The following PBX1 variants were observed in gnomAD, a reference collection of about 807,000 sequenced individuals.
The protein encoded by PBX1 is pre-B-cell leukemia transcription factor 1.
In PBX1, 6 loss-of-function variants were observed where a neutral mutation model predicts 53.4. The observed-to-expected ratio is 0.11, with a 90% CI of 0.06 to 0.22. The LOEUF is 0.22. Among genes scored for constraint, PBX1 ranks in the 10% least tolerant of loss-of-function variants. The probability of loss-of-function intolerance (pLI) is 1.00; values close to 1 mark genes in which losing one functional copy is unlikely to be tolerated. For missense variants in PBX1, 251 were observed against 551.4 expected (o/e 0.46, Z 5.46); for synonymous variants, 204 against 212.3 (o/e 0.96, Z 0.34).
At chr1:164,741,706 A>T (rs955482379) in intron 2 of PBX1, among the ~76,000 whole-genome samples, 1 of 150,684 alleles carries the variant, frequency 6.6e-6, no homozygotes, top group Non-Finnish European at 1.5e-5. Context: ...TGAAACTGGT[A>T]TCCTAGGAGG....
chr1:164,694,780 A>G (rs1662712653), intron 2 of PBX1, among the ~76,000 whole-genome samples: 1 of 152,202 alleles, frequency 6.6e-6, no homozygotes, highest in East Asian at 1.9e-4. Context: ...TTTAATGAAC[A>G]CTTTATGCCA....
chr1:164,718,433 T>C (rs904766002), intron 2 of PBX1, among the ~76,000 whole-genome samples: 2 of 152,194 alleles, frequency 1.3e-5, no homozygotes, highest in Non-Finnish European at 2.9e-5. Flanking sequence ...TGACCTTCAC[T>C]AATGGGCGTT....
chr1:164,647,815 CTTTT>C (rs11299199), intron 2 of PBX1, among the ~76,000 whole-genome samples: 3 of 133,908 alleles, frequency 2.2e-5, no homozygotes, highest in Admixed American at 7.6e-5. Context: ...AGCACCCCAG[CTTTT>C]TTTTTTTTTT....
At chr1:164,879,198 A>G (rs983025535) in intron 2 of PBX1, among the ~76,000 whole-genome samples, 1 of 150,436 alleles carries the variant, frequency 6.6e-6, no homozygotes, top group African/African-American at 2.4e-5. Flanking sequence ...CAGAGGGAGA[A>G]AAATTTTAAT....
At chr1:164,741,610 T>C (rs928343218) in intron 2 of PBX1, among the ~76,000 whole-genome samples, 2 of 152,170 alleles carry the variant, frequency 1.3e-5, no homozygotes, top group African/African-American at 2.4e-5. Flanking sequence ...TCTTTTTCAG[T>C]ACACTGCTTT....
intron 2 of PBX1, among the ~76,000 whole-genome samples, chr1:164,863,043 T>G (rs1558051231): frequency 3.3e-5 from 5 of 152,190 alleles, no homozygotes; most frequent in Admixed American, 1.3e-4. Context: ...AGGCAGAGCA[T>G]TTGACATTTG....
intron 2 of PBX1, among the ~76,000 whole-genome samples, chr1:164,756,757 T>A (rs925866592): frequency 1.3e-5 from 2 of 152,244 alleles, no homozygotes; most frequent in Admixed American, 6.5e-5. Flanking sequence ...TGGGTGTCCG[T>A]ATACATATGT....
chr1:164,876,943 A>G (rs918616579), intron 2 of PBX1, among the ~76,000 whole-genome samples: 12 of 152,170 alleles, frequency 7.9e-5, no homozygotes, highest in African/African-American at 2.9e-4. Flanking sequence ...TGGACCTCAC[A>G]GCCCCGCAGA....
intron 2 of PBX1, among the ~76,000 whole-genome samples, chr1:164,721,508 A>G (rs1201185089): frequency 6.6e-6 from 1 of 152,116 alleles, no homozygotes; most frequent in East Asian, 1.9e-4. Context: ...CTTAAAAGCG[A>G]AAACAATTGA....
chr1:164,740,450 G>C (rs1423000776), intron 2 of PBX1, among the ~76,000 whole-genome samples: 3 of 152,044 alleles, frequency 2.0e-5, no homozygotes, highest in African/African-American at 4.8e-5. Context: ...AGGGATAAAG[G>C]AGCTGTATTG....
At chr1:164,776,752 T>C (rs964758761) in intron 2 of PBX1, among the ~76,000 whole-genome samples, 3 of 152,212 alleles carry the variant, frequency 2.0e-5, no homozygotes, top group African/African-American at 7.2e-5. Context: ...TTCTGTGCAA[T>C]GATTAACTTT....
intron 2 of PBX1, among the ~76,000 whole-genome samples, chr1:164,610,388 T>C (rs1656830314): frequency 1.3e-5 from 2 of 152,066 alleles, no homozygotes; most frequent in African/African-American, 4.8e-5. Context: ...CTGCTTTAGT[T>C]GAGGGGGTCC....
chr1:164,801,448 T>C (rs1408679544), intron 4 of PBX1, among the ~76,000 whole-genome samples: 5 of 146,650 alleles, frequency 3.4e-5, no homozygotes, highest in South Asian at 2.1e-4. Context: ...TTGGCAGATA[T>C]TGAAAAAAAA....
At position 164,846,892 on chromosome 1, in the gene PBX1, A is replaced by C. The variant is rs1229488023; in HGVS notation, c.*216A>C. Reference sequence around the variant, plus strand: ...TCCCTTTTTTTTCTGGGTAGAAGCCACCCTTCCCTGCCTCCAGCTGTCAGC... The same window carrying C: ...TCCCTTTTTTTTCTGGGTAGAAGCCCCCCTTCCCTGCCTCCAGCTGTCAGC... On this transcript the variant is annotated 3_prime_UTR_variant, in exon 9 of 9. Transcript: ENST00000420696. The C allele has an allele frequency of 5.1e-6, 7 of 1,379,216 alleles. No individual in the cohort carries two copies. In the Admixed American group the frequency reaches 8.8e-5, roughly 17 times the overall value. The allele number at this position is 1,379,216 out of a possible 1,614,324, so 85.4% of individuals were successfully genotyped here.
rs151052659 is a variant in PBX1 at position 164,867,575 on chromosome 1, T to C, written n.258-31613T>C. On this transcript the variant is annotated intron_variant and non_coding_transcript_variant, in intron 2 of 2. Transcript: ENST00000558796. The stretch of plus-strand genomic sequence containing the variant: ...GAGCATTCCATCTCAAATGGTGGCC[T>C]AAAAACTGGCCATCTCTGTCTTGAT... Among the ~76,000 whole-genome samples the C allele has an allele frequency of 5.3e-3, 810 of 152,324 alleles. 5 individuals are homozygous for C. The highest frequency in any genetic ancestry group is 0.018 in the African/African-American group (765 of 41,572).
chr1:164,822,984 T>G (rs2102370213), intron 8 of PBX1, among the ~76,000 whole-genome samples: 1 of 152,312 alleles, frequency 6.6e-6, no homozygotes, highest in African/African-American at 2.4e-5. Context: ...CAGATTTTGA[T>G]TGTCTTGATG....
chr1:164,646,682 GGAGA>G (rs572311276), intron 2 of PBX1, among the ~76,000 whole-genome samples: 1 of 152,336 alleles, frequency 6.6e-6, no homozygotes, highest in South Asian at 2.1e-4. Flanking sequence ...CTCGTTGAGA[GGAGA>G]GAGTTTTTTT....
Position 164,851,088 on chromosome 1 carries a change from T to C in PBX1, c.*4412T>C, listed in dbSNP as rs184546154. 138 of 223,716 alleles carry C rather than the reference T, an allele frequency of 6.2e-4. 1 individual carries two copies. Among genetic ancestry groups the C allele is most frequent in the African/African-American group, 2.9e-3 (132 of 44,928 alleles). The allele number at this position is 223,716 out of a possible 1,614,324, so 13.9% of individuals were successfully genotyped here. A position where few individuals can be genotyped will look rare whatever the true frequency, so the allele number is the denominator to read the frequency against. On this transcript the variant is annotated 3_prime_UTR_variant, in exon 9 of 9. Transcript: ENST00000420696. ...AGATATTGGGCCAGGCTCAATGCTGTAGTTTTAATGCTAAGAGGTTACGTT... is the reference window on the plus strand; with the variant it reads ...AGATATTGGGCCAGGCTCAATGCTGCAGTTTTAATGCTAAGAGGTTACGTT...
chr1:164,704,564 A>G (rs1663317583), intron 2 of PBX1, among the ~76,000 whole-genome samples: 1 of 152,216 alleles, frequency 6.6e-6, no homozygotes, highest in Non-Finnish European at 1.5e-5. Context: ...CGCACATTTT[A>G]TACCTTAACT....
Sources: allele counts gnomAD v4.1 joint callset (sites outside exome capture counted in the v4.1 genomes callset), GRCh38; gene constraint gnomAD v4.1.1; transcripts MANE v1.5; gene names NCBI Gene and HGNC (gene_info 2026-07-23, HGNC 2026-07-21).